CIZ1: variants seen among roughly 807,000 people sequenced by gnomAD.
The protein encoded by CIZ1 is cip1-interacting zinc finger protein.
In CIZ1, 58 loss-of-function variants were observed where a neutral mutation model predicts 118.6. The observed-to-expected ratio is 0.49, with a 90% CI of 0.40 to 0.61. The LOEUF (loss-of-function observed/expected upper bound fraction) is 0.61. Ranked by LOEUF, CIZ1 falls within the 20% of genes least tolerant of loss-of-function variation. The pLI is 0.00. For synonymous variants in CIZ1, 448 were observed against 443.4 expected, an observed-to-expected ratio of 1.01 and a Z score of -0.13; for missense variants, 921 against 1,115.9, an observed-to-expected ratio of 0.83 and a Z score of 2.49.
At chr9:128,196,827 C>T (rs182448863) in intron 1 of CIZ1, 2 of 152,254 alleles carry the variant, frequency 1.3e-5, no homozygotes, top group Non-Finnish European at 2.9e-5. Flanking sequence ...TGGTCTCGAC[C>T]TCTTGACCTT....
intron 2 of CIZ1, 40 bp downstream of exon 2, chr9:128,190,648 T>C (rs1229174098): frequency 4.5e-6 from 7 of 1,539,950 alleles, no homozygotes; most frequent in Non-Finnish European, 6.1e-6. Context: ...TGGGTCTGAG[T>C]AGCAAGGCTG....
At chr9:128,180,383 C>T (rs775190123) in intron 7 of CIZ1, 32 bp downstream of exon 7, 18 of 1,541,862 alleles carry the variant, frequency 1.2e-5, no homozygotes, top group East Asian at 9.0e-5. Flanking sequence ...ACAGGGCACC[C>T]GGGCGCAGGT....
In CIZ1 at chr9:128,166,529, C is replaced by G. The variant is rs1260657407; in HGVS notation, c.2488-123G>C. 1.0e-6 allele frequency: 1 copy of G among 985,180 alleles called. No individual in the cohort carries two copies. The highest frequency in any genetic ancestry group is 1.5e-6 in the Non-Finnish European group (1 of 673,966). The allele number at this position is 985,180 out of a possible 1,614,324, so 61.0% of individuals were successfully genotyped here. On this transcript the variant is annotated intron_variant, in intron 16 of 16. Transcript: ENST00000372938. The surrounding 1 kb of genome is among the most constrained non-coding windows in gnomAD (Gnocchi z 4.4). ...GTGTGCTCTGTGACCCTGCGTGATGCACTCGGCCTCTCTGGGCCGTCTCTG... is the reference window on the plus strand; with the variant it reads ...GTGTGCTCTGTGACCCTGCGTGATGGACTCGGCCTCTCTGGGCCGTCTCTG...
At chr9:128,183,346 G>A (rs1831927054) in intron 5 of CIZ1, among the ~76,000 whole-genome samples, 1 of 152,170 alleles carries the variant, frequency 6.6e-6, no homozygotes, top group Non-Finnish European at 1.5e-5. Context: ...CTAAGCCTGG[G>A]TTTTTCCATA....
intron 11 of CIZ1, among the ~76,000 whole-genome samples, chr9:128,172,355 G>A (rs759600723): frequency 9.9e-5 from 15 of 151,858 alleles, no homozygotes; most frequent in Non-Finnish European, 1.5e-4. Flanking sequence ...TTATCCAGGC[G>A]TTGTGGCAGG....
At chr9:128,178,315 C>A in intron 9 of CIZ1, 54 bp downstream of exon 9, 1 of 1,563,314 alleles carries the variant, frequency 6.4e-7, no homozygotes, top group Non-Finnish European at 8.6e-7. Flanking sequence ...AGAGGCCATC[C>A]CACCCTGCTG....
At chr9:128,167,018 G>A (rs1260221539) in intron 15 of CIZ1, 77 bp downstream of exon 15, 4 of 1,581,192 alleles carry the variant, frequency 2.5e-6, no homozygotes, top group Non-Finnish European at 3.4e-6. Context: ...TGCCATGGCT[G>A]GGATATGGGA....
In CIZ1 at chr9:128,191,199, A is replaced by C. The variant is rs1833099344; in HGVS notation, c.-6+233T>G. 3 of 372,242 alleles carry C rather than the reference A, an allele frequency of 8.1e-6. No individual in the cohort carries two copies. The highest frequency in any genetic ancestry group is 4.7e-5 in the East Asian group (1 of 21,288). 23.1% of individuals were successfully genotyped at this position (372,242 alleles called of 1,614,324 possible). A position where few individuals can be genotyped will look rare whatever the true frequency, so the allele number is the denominator to read the frequency against. On this transcript the variant is annotated intron_variant, in intron 1 of 16. Coordinates refer to ENST00000372938, the MANE Select transcript of CIZ1 (RefSeq NM_001131016.2). This position sits in a 1 kb window ranked among gnomAD's most constrained non-coding sequence, Gnocchi z 5.5. ...CTCTCTCTGCGCCCATCACTTCCTC[A>C]CTCACAGCCCCTTTTCAATACCGCA...
Position 128,166,637 on chromosome 9 carries a change from C to T in CIZ1, c.2487+122G>A. 1 of 1,294,900 alleles carries T rather than the reference C, an allele frequency of 7.7e-7. No individual in the cohort carries two copies. 80.2% of individuals were successfully genotyped at this position (1,294,900 alleles called of 1,614,324 possible). ...AGCTCTAATTCTCTCCCTGTTGGTG[C>T]AGGGGTGGTGCCTGGGGATTGAGGC... On this transcript the variant is annotated intron_variant, in intron 16 of 16. Coordinates refer to ENST00000372938, the MANE Select transcript of CIZ1 (RefSeq NM_001131016.2). The surrounding 1 kb of genome is among the most constrained non-coding windows in gnomAD (Gnocchi z 4.4).
intron 3 of CIZ1, 139 bp from the exon 4 acceptor site, chr9:128,188,073 C>CCAAAAAA (rs1832643113): frequency 8.3e-6 from 1 of 120,300 alleles, no homozygotes; most frequent in African/African-American, 6.7e-5. Flanking sequence ...AAACCCAAAA[C>CCAAAAAA]AAAACAAAAC....
intron 11 of CIZ1, among the ~76,000 whole-genome samples, chr9:128,173,870 G>A (rs1830495747): frequency 6.6e-6 from 1 of 152,098 alleles, no homozygotes; most frequent in Non-Finnish European, 1.5e-5. Flanking sequence ...GCCGGGCCTA[G>A]TGGTAGGCGC....
intron 1 of CIZ1, chr9:128,198,313 C>T (rs1833427520): frequency 6.6e-6 from 1 of 152,250 alleles, no homozygotes; most frequent in Non-Finnish European, 1.5e-5. Flanking sequence ...TTATTAACCT[C>T]TTCATCCTCC....
chr9:128,176,260 C>A (rs1830831526), intron 11 of CIZ1, 91 bp downstream of exon 11: 1 of 1,527,664 alleles, frequency 6.5e-7, no homozygotes. Context: ...AGTGCTTAAC[C>A]CAAAGGTAAA....
chr9:128,203,307 G>A lies in CIZ1; in HGVS notation c.-6+879C>T, dbSNP rs541580859. The A allele has an allele frequency of 5.5e-4, 250 of 455,478 alleles. 1 individual carries two copies. The South Asian group carries it at 7.9e-3, about 14-fold the overall frequency. 28.2% of individuals were successfully genotyped at this position (455,478 alleles called of 1,614,324 possible). A position where few individuals can be genotyped will look rare whatever the true frequency, so the allele number is the denominator to read the frequency against. On this transcript the variant is annotated intron_variant, in intron 1 of 17. Coordinates refer to the CIZ1 transcript ENST00000372948. The surrounding 1 kb of genome is among the most constrained non-coding windows in gnomAD (Gnocchi z 5.3). The stretch of plus-strand genomic sequence containing the variant: ...ACGGCGGCCGGCCCGCAGCGCCGCG[G>A]GCTCCCCCTAGCGGCGTCCGGGAGC...
intron 1 of CIZ1, among the ~76,000 whole-genome samples, chr9:128,200,558 T>C (rs1217686269): frequency 1.3e-5 from 2 of 151,046 alleles, no homozygotes; most frequent in Admixed American, 6.6e-5. Flanking sequence ...CTCAGGAGGC[T>C]GAGGCAGGAG....
At chr9:128,200,489 C>G (rs1050697906) in intron 1 of CIZ1, among the ~76,000 whole-genome samples, 1 of 151,704 alleles carries the variant, frequency 6.6e-6, no homozygotes, top group African/African-American at 2.4e-5. Context: ...GAAACCCCGT[C>G]TCTACTAAAA....
intron 5 of CIZ1, among the ~76,000 whole-genome samples, chr9:128,184,728 C>G (rs1395568337): frequency 6.6e-6 from 1 of 151,970 alleles, no homozygotes; most frequent in Non-Finnish European, 1.5e-5. Flanking sequence ...AGTGCAATGG[C>G]GCAATCTTGG....
chr9:128,185,016 C>T (rs1020840478), intron 5 of CIZ1, among the ~76,000 whole-genome samples: 1 of 152,128 alleles, frequency 6.6e-6, no homozygotes, highest in Non-Finnish European at 1.5e-5. Context: ...CAGTGGCTCA[C>T]GCCTGTAATC....
At chr9:128,194,754 G>A (rs1345073056), upstream of CIZ1, among the ~76,000 whole-genome samples, 1 of 152,114 alleles carries the variant, frequency 6.6e-6, no homozygotes, top group Non-Finnish European at 1.5e-5. Flanking sequence ...GTAGGCAGAG[G>A]TTGCAGTGAG....
Sources: allele counts gnomAD v4.1 joint callset (sites outside exome capture counted in the v4.1 genomes callset), GRCh38; gene constraint gnomAD v4.1.1; non-coding constraint Gnocchi (gnomAD v3.1); transcripts MANE v1.5; gene names NCBI Gene and HGNC (gene_info 2026-07-23, HGNC 2026-07-21).